Variants in PDLIM3 observed in about 807,000 individuals in gnomAD.
PDLIM3 encodes PDZ and LIM domain protein 3.
Under a neutral mutation model 37.3 loss-of-function variants are expected in PDLIM3, and 36 were observed. The ratio of observed to expected loss-of-function variants is 0.97; its 90% CI spans 0.74 to 1.28. The LOEUF (loss-of-function observed/expected upper bound fraction) is 1.28. Among genes scored for constraint, PDLIM3 ranks in the 50% most tolerant of loss-of-function variants. PDLIM3 has a pLI of 0.00. For synonymous variants in PDLIM3, 174 were observed against 182.4 expected (o/e 0.95, Z 0.37); for missense variants, 454 against 485.0 (o/e 0.94, Z 0.60).
intron 1 of PDLIM3, among the ~76,000 whole-genome samples, chr4:185,531,646 T>C (rs957958512): frequency 2.8e-4 from 42 of 152,132 alleles, no homozygotes; most frequent in Admixed American, 2.3e-3. Context: ...TGTATTTGTA[T>C]AGTGTGAGGC....
rs559799909 is a variant in PDLIM3, at chr4:185,523,623, C to G, written c.246-177G>C. Among the ~76,000 whole-genome samples the G allele has an allele frequency of 0.013, 1,917 of 151,162 alleles. 40 individuals carry two copies. Among genetic ancestry groups the G allele is most frequent in the African/African-American group, 0.041 (1,684 of 41,144 alleles). On this transcript the variant is annotated intron_variant, in intron 2 of 7. Coordinates refer to ENST00000284767, the MANE Select transcript of PDLIM3 (RefSeq NM_014476.6). Reference sequence around the variant, plus strand: ...TCCCACATAATTAGTCTTCCCCCCCCCTTTTTTTTTCTTTTAATGTTGTCT... The same window carrying G: ...TCCCACATAATTAGTCTTCCCCCCCGCTTTTTTTTTCTTTTAATGTTGTCT...
intron 6 of PDLIM3, among the ~76,000 whole-genome samples, chr4:185,505,205 G>GAATTT (rs2095694687): frequency 6.6e-6 from 1 of 152,226 alleles, no homozygotes; most frequent in Admixed American, 6.5e-5. Flanking sequence ...CCGTGTGTCA[G>GAATTT]AATTTAATTT....
chr4:185,531,856 A>AGGTG (rs1490070694), intron 1 of PDLIM3, among the ~76,000 whole-genome samples: 2 of 145,350 alleles, frequency 1.4e-5, no homozygotes, highest in South Asian at 2.2e-4. Flanking sequence ...TGGGAAGCTG[A>AGGTG]GGTGGGCGGA....
In PDLIM3 at chr4:185,506,632, G is replaced by A. The variant is rs201185673; in HGVS notation, c.683C>T (p.Pro228Leu). 1.5e-4 allele frequency: 235 copies of A among 1,606,584 alleles called. No individual in the cohort carries two copies. Among genetic ancestry groups the A allele is most frequent in the Admixed American group, 2.3e-4 (14 of 60,002 alleles). ...PLMSEPTASV[P>L]PESDVYRMLH... ...CATCCGGTACACGTCCGACTCGGGG[G>A]GCACCGAGGCTGTGGGCTCGCTGAA... The change falls in exon 6 of 8, where the codon CCC (proline) becomes CTC (leucine). Residue 228 changes from proline (P) to leucine (L), a missense_variant. Transcript: ENST00000284767.
chr4:185,523,116 G>T, intron 3 of PDLIM3: 1 of 448,784 alleles, frequency 2.2e-6, no homozygotes, highest in Non-Finnish European at 4.0e-6. Flanking sequence ...GGACTCTGTA[G>T]ATTTAGCCAA....
rs1027861440 is a variant in PDLIM3 at position 185,514,108 on chromosome 4, C to T, written c.398+162G>A. 3.3e-6 allele frequency: 5 copies of T among 1,517,520 alleles called. No homozygotes were observed. In the South Asian group the frequency reaches 6.2e-5, roughly 19 times the overall value. 94.0% of individuals were successfully genotyped at this position (1,517,520 alleles called of 1,614,324 possible). Reference sequence around the variant, plus strand: ...ACTCTTGGAAATGCAAGTTATTTGGCTTCTGTTCTCTGCCAAGTGAGTTTG... The same window carrying T: ...ACTCTTGGAAATGCAAGTTATTTGGTTTCTGTTCTCTGCCAAGTGAGTTTG... On this transcript the variant is annotated intron_variant, in intron 4 of 7. Coordinates refer to ENST00000284767, the MANE Select transcript of PDLIM3 (RefSeq NM_014476.6). The surrounding 1 kb of genome is among the most constrained non-coding windows in gnomAD (Gnocchi z 4.0).
At position 185,523,405 on chromosome 4, in the gene PDLIM3, C is replaced by T; in HGVS notation, c.287G>A (p.Gly96Glu). 1 of 1,612,588 alleles carries T rather than the reference C, an allele frequency of 6.2e-7. No homozygotes were observed. The highest frequency in any genetic ancestry group is 1.7e-4 in the Middle Eastern group (1 of 6,060). ...GTTGATTTTGAAAGGATGGGCTTTCCCATCTTCAGATACTTGTGGAGACCA... is the reference window on the plus strand; with the variant it reads ...GTTGATTTTGAAAGGATGGGCTTTCTCATCTTCAGATACTTGTGGAGACCA... ...HLWSPQVSED[G>E]KAHPFKINLE... The change falls in exon 3 of 8, where the codon GGG becomes GAG. Residue 96 changes from glycine (G) to glutamate (E), a missense_variant. Physicochemically the swap from Gly to Glu is moderately conservative, Grantham distance 98. Coordinates refer to ENST00000284767, the MANE Select transcript of PDLIM3 (RefSeq NM_014476.6).
intron 4 of PDLIM3, chr4:185,512,941 G>A (rs3792697): frequency 1.0e-6 from 1 of 984,676 alleles, no homozygotes; most frequent in East Asian, 1.1e-4. Context: ...AGGACACAGA[G>A]CTGCCAGCAT....
intron 1 of PDLIM3, among the ~76,000 whole-genome samples, chr4:185,533,666 CATT>C (rs2095748540): frequency 6.6e-6 from 1 of 152,058 alleles, no homozygotes; most frequent in East Asian, 1.9e-4. Flanking sequence ...TAATAACTGC[CATT>C]ATATCAAATA....
At position 185,514,258 on chromosome 4, in the gene PDLIM3, A is replaced by T. The variant is rs181339407; in HGVS notation, c.398+12T>A. The T allele has an allele frequency of 6.2e-6, 10 of 1,614,238 alleles. No individual in the cohort carries two copies. The highest frequency in any genetic ancestry group is 8.5e-6 in the Non-Finnish European group (10 of 1,180,036). On this transcript the variant is annotated intron_variant, in intron 4 of 7. Coordinates refer to ENST00000284767, the MANE Select transcript of PDLIM3 (RefSeq NM_014476.6). This position sits in a 1 kb window ranked among gnomAD's most constrained non-coding sequence, Gnocchi z 4.0. ...CATGCACTGCAAACTCCACAGTCTC[A>T]GCGCTTATGACCTGCTTCGGCCCGG...
At position 185,504,862 on chromosome 4, in the gene PDLIM3, T is replaced by A. The variant is rs555583875; in HGVS notation, c.794-276A>T. On this transcript the variant is annotated intron_variant, in intron 6 of 7. Transcript: ENST00000284767. The surrounding 1 kb of genome is among the most constrained non-coding windows in gnomAD (Gnocchi z 4.7). ...TATTATTTTTTATTGTAGCAAAATA[T>A]ACATAAAATTTACCATTTTCACCAT... Among the ~76,000 whole-genome samples, 3 of 152,198 alleles carry A rather than the reference T, an allele frequency of 2.0e-5. No homozygotes were observed. Among genetic ancestry groups the A allele is most frequent in the Non-Finnish European group, 4.4e-5 (3 of 68,036 alleles).
chr4:185,503,034 T>C (rs774226918), intron 7 of PDLIM3, among the ~76,000 whole-genome samples: 18 of 152,136 alleles, frequency 1.2e-4, no homozygotes, highest in Non-Finnish European at 1.9e-4. Context: ...GAGACCATCC[T>C]GGCTAACACG....
chr4:185,514,390 A>G lies in PDLIM3; in HGVS notation c.331-53T>C. 1 of 1,614,122 alleles carries G rather than the reference A, an allele frequency of 6.2e-7. No homozygotes were observed. On this transcript the variant is annotated intron_variant, in intron 3 of 7. Coordinates refer to ENST00000284767, the MANE Select transcript of PDLIM3 (RefSeq NM_014476.6). This position sits in a 1 kb window ranked among gnomAD's most constrained non-coding sequence, Gnocchi z 4.0. ...CTCAGTGGAAGGCGGACACTGTTGC[A>G]GATAAGATTAAACGAACGATAGTTG...
chr4:185,510,120 A>G (rs1363276173), intron 4 of PDLIM3, among the ~76,000 whole-genome samples: 14 of 152,166 alleles, frequency 9.2e-5, no homozygotes, highest in Non-Finnish European at 2.1e-4. Flanking sequence ...CTTGAAATGG[A>G]CTTCAGCTGG....
At chr4:185,515,547 TA>T (rs1331123868) in intron 3 of PDLIM3, 1 of 152,202 alleles carries the variant, frequency 6.6e-6, no homozygotes, top group African/African-American at 2.4e-5. Flanking sequence ...CCCTTTATTG[TA>T]ATGATTTCAT....
At chr4:185,519,065 C>G (rs574559008) in intron 3 of PDLIM3, among the ~76,000 whole-genome samples, 16 of 152,264 alleles carry the variant, frequency 1.1e-4, no homozygotes, top group African/African-American at 3.4e-4. Context: ...TTAACATACT[C>G]TTAGTCAAGA....
Position 185,516,552 on chromosome 4 carries a change from T to C in PDLIM3, c.331-2215A>G, listed in dbSNP as rs1253196945. On this transcript the variant is annotated intron_variant, in intron 3 of 7. Coordinates refer to ENST00000284767, the MANE Select transcript of PDLIM3 (RefSeq NM_014476.6). ...TAAGACCAGAGTTTTTCATAGAAGA[T>C]TCTTGTGCCTGAGAATATGAACAAC... The C allele has an allele frequency of 3.3e-5, 5 of 152,196 alleles. No homozygotes were observed. In the East Asian group the frequency reaches 9.6e-4, roughly 29 times the overall value. 9.4% of individuals were successfully genotyped at this position (152,196 alleles called of 1,614,324 possible).
chr4:185,530,805 C>T (rs1418267370), intron 1 of PDLIM3, among the ~76,000 whole-genome samples: 2 of 152,158 alleles, frequency 1.3e-5, no homozygotes, highest in Non-Finnish European at 2.9e-5. Context: ...CTGCACTCTT[C>T]ACCTGTAAAT....
intron 1 of PDLIM3, among the ~76,000 whole-genome samples, chr4:185,527,255 G>C (rs1203809314): frequency 2.6e-5 from 4 of 152,134 alleles, no homozygotes; most frequent in Admixed American, 2.6e-4. Context: ...ATCTCAAACT[G>C]CTCCAGGAAG....
Sources: gnomAD v4.1 joint callset for allele counts (sites outside exome capture counted in the v4.1 genomes callset) on GRCh38, gnomAD v4.1.1 for gene constraint, Gnocchi (gnomAD v3.1) non-coding constraint, MANE v1.5 for transcripts, NCBI Gene and HGNC (gene_info 2026-07-23, HGNC 2026-07-21) for gene names.